The following COPS7B variants were observed in gnomAD, a reference collection of about 807,000 sequenced individuals.
COPS7B encodes COP9 signalosome complex subunit 7b.
A neutral mutation model predicts 33.4 loss-of-function variants in COPS7B; 9 were observed. The observed-to-expected ratio is 0.27, with a 90% CI of 0.16 to 0.47. The LOEUF (loss-of-function observed/expected upper bound fraction) is 0.47, where lower values mean the gene tolerates loss of function less well. Among genes scored for constraint, COPS7B ranks in the 20% least tolerant of loss-of-function variants. The pLI is 0.99. For synonymous variants in COPS7B, 119 were observed against 126.3 expected (o/e 0.94, Z 0.39); for missense variants, 242 against 318.2 (o/e 0.76, Z 1.82).
rs982991020 is a variant in COPS7B at position 231,807,942 on chromosome 2, C to G, written c.*297C>G. 1 of 273,240 alleles carries G rather than the reference C, an allele frequency of 3.7e-6. No individual in the cohort carries two copies. The highest frequency in any genetic ancestry group is 7.4e-5 in the East Asian group (1 of 13,490). 16.9% of individuals were successfully genotyped at this position (273,240 alleles called of 1,614,324 possible). A position where few individuals can be genotyped will look rare whatever the true frequency, so the allele number is the denominator to read the frequency against. On this transcript the variant is annotated 3_prime_UTR_variant, in exon 7 of 7. Transcript: ENST00000350033. Reference sequence around the variant, plus strand: ...CTTGTCTCTGTGTAAGGGCTTGTCTCCCTCCCAGTTTTTCTTTTGCTCCAC... The same window carrying G: ...CTTGTCTCTGTGTAAGGGCTTGTCTGCCTCCCAGTTTTTCTTTTGCTCCAC...
intron 6 of COPS7B, among the ~76,000 whole-genome samples, chr2:231,804,431 T>A (rs970557901): frequency 1.3e-5 from 2 of 151,988 alleles, no homozygotes; most frequent in African/African-American, 4.8e-5. Flanking sequence ...ATATTTTTAG[T>A]AGAGATGGGG....
upstream of COPS7B, among the ~76,000 whole-genome samples, chr2:231,783,446 GTCT>G (rs2049174136): frequency 6.6e-6 from 1 of 152,188 alleles, no homozygotes; most frequent in Admixed American, 6.5e-5. Context: ...TTTGTTGTCA[GTCT>G]TCTTAATTGT....
chr2:231,805,518 CAGT>C (rs2049869706), intron 6 of COPS7B, among the ~76,000 whole-genome samples: 2 of 149,844 alleles, frequency 1.3e-5, no homozygotes, highest in African/African-American at 4.9e-5. Flanking sequence ...AGGCTGGAAT[CAGT>C]GGTGTAATCA....
intron 5 of COPS7B, among the ~76,000 whole-genome samples, chr2:231,797,885 CTTTT>C (rs2049618986): frequency 6.6e-6 from 1 of 152,104 alleles, no homozygotes; most frequent in African/African-American, 2.4e-5. Flanking sequence ...TTTAGGAAAT[CTTTT>C]TTTGTTTGTT....
At chr2:231,803,833 T>C (rs1310113173) in intron 6 of COPS7B, among the ~76,000 whole-genome samples, 2 of 152,156 alleles carry the variant, frequency 1.3e-5, no homozygotes, top group Non-Finnish European at 2.9e-5. Context: ...TTGGAAGTGT[T>C]GAGCTTTGAA....
intron 1 of COPS7B, among the ~76,000 whole-genome samples, chr2:231,787,406 G>A (rs980385612): frequency 6.6e-6 from 1 of 152,154 alleles, no homozygotes; most frequent in Non-Finnish European, 1.5e-5. Context: ...TTGTCACGCT[G>A]CTCTAATATG....
chr2:231,785,298 C>G (rs1209339630), upstream of COPS7B, among the ~76,000 whole-genome samples: 6 of 152,176 alleles, frequency 3.9e-5, no homozygotes, highest in Admixed American at 3.9e-4. Flanking sequence ...ATTCCAAGAC[C>G]TTTGATGACC....
intron 5 of COPS7B, among the ~76,000 whole-genome samples, chr2:231,797,889 TTTTG>T (rs1366432472): frequency 6.6e-6 from 1 of 152,206 alleles, no homozygotes; most frequent in African/African-American, 2.4e-5. Flanking sequence ...GGAAATCTTT[TTTTG>T]TTTGTTGTTT....
Position 231,794,082 on chromosome 2 carries a change from T to G in COPS7B, c.239-181T>G, listed in dbSNP as rs563664667. 138 of 515,162 alleles carry G rather than the reference T, an allele frequency of 2.7e-4. 3 individuals carry two copies. In the South Asian group the frequency reaches 4.2e-3, roughly 16 times the overall value. 31.9% of individuals were successfully genotyped at this position (515,162 alleles called of 1,614,324 possible). ...TCTGTGTTTGTAGAAACTGAGTCTT[T>G]TCTTCTTTGGAAGTACATAGTCTTC... On this transcript the variant is annotated intron_variant, in intron 3 of 6. Transcript: ENST00000350033.
chr2:231,786,584 G>C (rs2049250587), intron 1 of COPS7B, 46 bp downstream of exon 1: 1 of 918,236 alleles, frequency 1.1e-6, no homozygotes, highest in East Asian at 1.2e-4. Flanking sequence ...GGCGCTCCAG[G>C]CTCGGCCAGA....
At position 231,796,150 on chromosome 2, in the gene COPS7B, T is replaced by C. The variant is rs778670336; in HGVS notation, c.372T>C (p.Asn124=). 11 of 1,614,160 alleles carry C rather than the reference T, an allele frequency of 6.8e-6. No individual in the cohort carries two copies. The highest frequency in any genetic ancestry group is 9.3e-6 in the Non-Finnish European group (11 of 1,180,026). Residue 124 remains asparagine (N), a synonymous_variant, in exon 5 of 7, where the codon AAT becomes AAC. Transcript: ENST00000350033. ...TGCTGAAAGACCTGGAGATGCGGAA[T>C]CTCCGGGAACTAGAAGACCTTATCA... ...SVLLKDLEMR[N]LRELEDLIIE...
upstream of COPS7B, chr2:231,786,172 G>A (rs549625545): frequency 6.6e-6 from 1 of 152,532 alleles, no homozygotes; most frequent in Non-Finnish European, 1.5e-5. Flanking sequence ...CACAGCCTAA[G>A]GGGAGGATTT....
intron 1 of COPS7B, among the ~76,000 whole-genome samples, chr2:231,787,998 T>C (rs1295479656): frequency 6.6e-6 from 1 of 152,224 alleles, no homozygotes; most frequent in African/African-American, 2.4e-5. Context: ...GTGTTGCCTC[T>C]GGAGGAGGGA....
At chr2:231,800,128 G>A (rs541747625) in intron 6 of COPS7B, among the ~76,000 whole-genome samples, 2 of 152,152 alleles carry the variant, frequency 1.3e-5, no homozygotes, top group South Asian at 2.1e-4. Flanking sequence ...TGTTTAATCC[G>A]ACTAGCCAAG....
intron 6 of COPS7B, among the ~76,000 whole-genome samples, chr2:231,806,543 ACT>A (rs2049898753): frequency 7.4e-6 from 1 of 135,970 alleles, no homozygotes; most frequent in South Asian, 2.3e-4. Context: ...ACAGAGTAAG[ACT>A]CTGTCTCCAA....
At chr2:231,788,138 T>TG (rs1436243811) in intron 1 of COPS7B, among the ~76,000 whole-genome samples, 1 of 109,626 alleles carries the variant, frequency 9.1e-6, no homozygotes, top group Non-Finnish European at 1.5e-5. Context: ...CAGGAACTGT[T>TG]TTTTTTTTTT....
At chr2:231,789,338 G>A (rs1559354534) in intron 2 of COPS7B, 1 of 152,318 alleles carries the variant, frequency 6.6e-6, no homozygotes, top group South Asian at 2.1e-4. Context: ...GGAACAAAGA[G>A]ATGTAAAGCA....
chr2:231,801,302 T>C, intron 6 of COPS7B: 3 of 1,524,532 alleles, frequency 2.0e-6, no homozygotes, highest in Non-Finnish European at 2.6e-6. Context: ...TTTGTGGAAA[T>C]AACCCATATT....
At chr2:231,798,121 A>G (rs2049627513) in intron 5 of COPS7B, among the ~76,000 whole-genome samples, 1 of 151,910 alleles carries the variant, frequency 6.6e-6, no homozygotes, top group African/African-American at 2.4e-5. Flanking sequence ...TCCCGACCTC[A>G]GGTGATCCGC....
Sources: allele counts gnomAD v4.1 joint callset (sites outside exome capture counted in the v4.1 genomes callset), GRCh38; gene constraint gnomAD v4.1.1; transcripts MANE v1.5; gene names NCBI Gene and HGNC (gene_info 2026-07-23, HGNC 2026-07-21).